PEX11B: variants seen among roughly 807,000 people sequenced by gnomAD.
The protein encoded by PEX11B is peroxisomal membrane protein 11B.
Under a neutral mutation model 28.2 loss-of-function variants are expected in PEX11B, and 18 were observed. The ratio of observed to expected loss-of-function variants is 0.64; its 90% CI spans 0.44 to 0.95. The LOEUF (loss-of-function observed/expected upper bound fraction) is 0.95, where lower values mean the gene tolerates loss of function less well. Among genes scored for constraint, PEX11B ranks in the 40% least tolerant of loss-of-function variants. The pLI, the probability that PEX11B is intolerant of heterozygous loss-of-function variation, is 0.00. For synonymous variants in PEX11B, 128 were observed against 128.7 expected, an observed-to-expected ratio of 0.99 and a Z score of 0.04; for missense variants, 305 against 319.8, an observed-to-expected ratio of 0.95 and a Z score of 0.35.
chr1:145,912,085 T>G lies in PEX11B; in HGVS notation c.*76A>C. ...CTTTAACCAAAGAGTAGAATTCGAA[T>G]GAGGCTGGCACATGGGGGACGATCT... On this transcript the variant is annotated 3_prime_UTR_variant, in exon 4 of 4. Transcript: ENST00000369306. 63 of 1,165,964 alleles carry G rather than the reference T, an allele frequency of 5.4e-5. No homozygotes were observed. The highest frequency in any genetic ancestry group is 7.0e-5 in the Non-Finnish European group (60 of 856,074). 72.2% of individuals were successfully genotyped at this position (1,165,964 alleles called of 1,614,324 possible).
chr1:145,917,397 C>T (rs1344674912), intron 2 of PEX11B, among the ~76,000 whole-genome samples: 1 of 152,162 alleles, frequency 6.6e-6, no homozygotes, highest in African/African-American at 2.4e-5. Context: ...CGCCACTGCA[C>T]TCTGACCTGG....
chr1:145,914,339 G>A (rs1218485950), intron 3 of PEX11B, among the ~76,000 whole-genome samples: 14 of 148,820 alleles, frequency 9.4e-5, no homozygotes, highest in Admixed American at 6.0e-4. Context: ...GCACCATTGC[G>A]CTCCAGCCTG....
At position 145,912,317 on chromosome 1, in the gene PEX11B, C is replaced by G; in HGVS notation, c.624G>C (p.Leu208=). Residue 208 remains leucine (L), a synonymous_variant, in exon 4 of 4, where the codon CTG becomes CTC. Coordinates refer to ENST00000369306, the MANE Select transcript of PEX11B (RefSeq NM_003846.3). ...ARVLRGHPPL[L]LDVVRNACDL... The stretch of plus-strand genomic sequence containing the variant: ...CACAGGCATTTCTGACCACGTCTAG[C>G]AGAAGTGGGGGATGACCTCTAAGGA... The G allele has an allele frequency of 6.2e-7, 1 of 1,614,036 alleles. No homozygotes were observed. Among genetic ancestry groups the G allele is most frequent in the Non-Finnish European group, 8.5e-7 (1 of 1,179,982 alleles).
At chr1:145,918,233 C>T (rs1165211209) in intron 1 of PEX11B, 1 of 985,310 alleles carries the variant, frequency 1.0e-6, no homozygotes, top group Non-Finnish European at 1.2e-6. Context: ...AACGCCAGGG[C>T]GGAGGCAGGG....
chr1:145,917,805 T>C lies in PEX11B; in HGVS notation c.68A>G (p.Tyr23Cys), dbSNP rs1220915820. The change falls in exon 2 of 4, where the codon TAT (tyrosine) becomes TGT (cysteine). Residue 23 changes from tyrosine (Y) to cysteine (C), a missense_variant. Transcript: ENST00000369306. ...ARERLCRAAQ[Y>C]ACSLLGHALQ... ...CGCATGGCCAAGAAGAGAGCAAGCA[T>C]ACTGGGCGGCCCTAGAGGAGAGGGC... 17 of 1,612,240 alleles carry C rather than the reference T, an allele frequency of 1.1e-5. No individual in the cohort carries two copies. The highest frequency in any genetic ancestry group is 6.7e-5 in the East Asian group (3 of 44,870).
intron 3 of PEX11B, among the ~76,000 whole-genome samples, chr1:145,916,053 A>C (rs1246630025): frequency 6.6e-6 from 1 of 152,232 alleles, no homozygotes; most frequent in Non-Finnish European, 1.5e-5. Context: ...AACAAACATT[A>C]ACATTGCCTA....
In PEX11B at chr1:145,917,742, T is replaced by C. The variant is rs1370893631; in HGVS notation, c.131A>G (p.Gln44Arg). The C allele has an allele frequency of 5.0e-6, 8 of 1,613,060 alleles. No individual in the cohort carries two copies. Among genetic ancestry groups the C allele is most frequent in the Non-Finnish European group, 6.8e-6 (8 of 1,179,000 alleles). ...CAGGTGGCTCTCCAGTTGTCGAATC[T>C]GTTTCTGTAACTCAGGACTGGCTCC... ...RHGASPELQK[Q>R]IRQLESHLSL... is the part of the protein sequence containing the mutation. The change falls in exon 2 of 4, where the codon CAG becomes CGG. Residue 44 changes from glutamine to arginine, a missense_variant. By Grantham distance (43) the Gln-to-Arg change is conservative. Transcript: ENST00000369306.
chr1:145,916,893 C>T lies in PEX11B; in HGVS notation c.298G>A (p.Asp100Asn). 2 of 1,614,148 alleles carry T rather than the reference C, an allele frequency of 1.2e-6. No individual in the cohort carries two copies. The highest frequency in any genetic ancestry group is 1.7e-6 in the Non-Finnish European group (2 of 1,180,000). ...HLNRALYFAC[D>N]NVLWAGKSGL... is the part of the protein sequence containing the mutation. ...GACTTTCCAGCCCACAGGACATTGT[C>T]ACAGGCGAAGTACAAGGCTCGATTG... The change falls in exon 3 of 4, where the codon GAC (aspartate) becomes AAC (asparagine). Residue 100 changes from aspartate (D) to asparagine (N), a missense_variant. Physicochemically the swap from Asp to Asn is conservative, Grantham distance 23. Transcript: ENST00000369306.
In PEX11B at chr1:145,916,981, T is replaced by C; in HGVS notation, c.210A>G (p.Ser70=). 1 of 1,613,860 alleles carries C rather than the reference T, an allele frequency of 6.2e-7. No homozygotes were observed. Among genetic ancestry groups the C allele is most frequent in the Admixed American group, 1.7e-5 (1 of 60,018 alleles). Residue 70 remains serine, a synonymous_variant, in exon 3 of 4, where the codon TCA becomes TCG. Coordinates refer to ENST00000369306, the MANE Select transcript of PEX11B (RefSeq NM_003846.3). ...RLGNSADALE[S]AKRAVHLSDV... ...CTGATAGGTGAACAGCTCTTTTGGCTGACTCAAGGGCATCTGCTGAGTTAC... is the reference window on the plus strand; with the variant it reads ...CTGATAGGTGAACAGCTCTTTTGGCCGACTCAAGGGCATCTGCTGAGTTAC...
chr1:145,912,478 G>A lies in PEX11B; in HGVS notation c.463C>T (p.Arg155Trp), dbSNP rs200193500. The A allele has an allele frequency of 1.5e-5, 22 of 1,514,200 alleles. No homozygotes were observed. The highest frequency in any genetic ancestry group is 1.1e-4 in the South Asian group (8 of 73,436). 93.8% of individuals were successfully genotyped at this position (1,514,200 alleles called of 1,614,324 possible). ...CCTCCTCCAGAACCTTTCAGTCGCCGGCTACAAGCAGAAGACTCTTGCTCC... is the reference window on the plus strand; with the variant it reads ...CCTCCTCCAGAACCTTTCAGTCGCCAGCTACAAGCAGAAGACTCTTGCTCC... ...LMEQESSACS[R>W]RLKGSGGGVP... Residue 155 changes from arginine (R) to tryptophan (W), a missense_variant, in exon 4 of 4, where the codon CGG (arginine) becomes TGG (tryptophan). Physicochemically the swap from Arg to Trp is moderately radical, Grantham distance 101 (BLOSUM62 -3). Coordinates refer to ENST00000369306, the MANE Select transcript of PEX11B (RefSeq NM_003846.3).
chr1:145,918,517 C>A (rs1361351700), intron 1 of PEX11B, 116 bp downstream of exon 1: 1 of 1,539,750 alleles, frequency 6.5e-7, no homozygotes, highest in Non-Finnish European at 8.7e-7. Flanking sequence ...TTCGGGCCCC[C>A]GTAGCCGGAG....
intron 3 of PEX11B, among the ~76,000 whole-genome samples, chr1:145,916,257 A>T (rs587721088): frequency 4.2e-4 from 64 of 151,896 alleles, no homozygotes; most frequent in African/African-American, 1.5e-3. Context: ...GCTTTGTCTA[A>T]CTCCTCCTAC....
rs587745971 is a variant in PEX11B at position 145,914,383 on chromosome 1, A to C, written c.375-1817T>G. 9.6e-3 allele frequency among the ~76,000 whole-genome samples: 1,456 copies of C among 151,888 alleles called. 27 individuals carry two copies. Among genetic ancestry groups the C allele is most frequent in the African/African-American group, 0.033 (1,377 of 41,398 alleles). ...AGCAAGACTCCATCTCAAAAAAAAA[A>C]AAAACCAAAAACAAATAAACAAACC... On this transcript the variant is annotated intron_variant, in intron 3 of 3. Coordinates refer to ENST00000369306, the MANE Select transcript of PEX11B (RefSeq NM_003846.3).
rs1553753155 is a variant in PEX11B, at chr1:145,912,108, T to G, written c.*53A>C. The G allele has an allele frequency of 7.2e-7, 1 of 1,388,738 alleles. No homozygotes were observed. The highest frequency in any genetic ancestry group is 9.7e-7 in the Non-Finnish European group (1 of 1,033,802). The allele number at this position is 1,388,738 out of a possible 1,614,324, so 86.0% of individuals were successfully genotyped here. A position where few individuals can be genotyped will look rare whatever the true frequency, so the allele number is the denominator to read the frequency against. On this transcript the variant is annotated 3_prime_UTR_variant, in exon 4 of 4. Coordinates refer to ENST00000369306, the MANE Select transcript of PEX11B (RefSeq NM_003846.3). Reference sequence around the variant, plus strand: ...AATGAGGCTGGCACATGGGGGACGATCTAAGATTCCATCTCACCAATTCAG... The same window carrying G: ...AATGAGGCTGGCACATGGGGGACGAGCTAAGATTCCATCTCACCAATTCAG...
At chr1:145,918,298 A>C in intron 1 of PEX11B, 1 of 1,469,168 alleles carries the variant, frequency 6.8e-7, no homozygotes, top group Non-Finnish European at 9.0e-7. Context: ...GTGCCTCCTC[A>C]GCTCTGGGGG....
At chr1:145,915,269 T>A (rs1422057847) in intron 3 of PEX11B, among the ~76,000 whole-genome samples, 1 of 152,164 alleles carries the variant, frequency 6.6e-6, no homozygotes, top group African/African-American at 2.4e-5. Context: ...TAGTAAGAGC[T>A]CAGTAAGTAT....
chr1:145,913,592 AACACACACACACAC>A (rs56031424), intron 3 of PEX11B, among the ~76,000 whole-genome samples: 1 of 142,710 alleles, frequency 7.0e-6, no homozygotes, highest in Non-Finnish European at 1.5e-5. Flanking sequence ...TCCACTTGGC[AACACACACACACAC>A]ACACACACAC....
intron 1 of PEX11B, 39 bp from the exon 2 acceptor site, chr1:145,917,855 C>T: frequency 1.3e-6 from 2 of 1,507,962 alleles, no homozygotes; most frequent in Non-Finnish European, 1.8e-6. Context: ...GGAGACCTCC[C>T]TAACCTTCCG....
rs144931265 is a variant in PEX11B at position 145,917,812 on chromosome 1, C to A, written c.61G>T (p.Ala21Ser). The change falls in exon 2 of 4, where the codon GCC (alanine) becomes TCC (serine). Residue 21 changes from alanine (A) to serine (S), a missense_variant. Transcript: ENST00000369306. The stretch of plus-strand genomic sequence containing the variant: ...CCAAGAAGAGAGCAAGCATACTGGG[C>A]GGCCCTAGAGGAGAGGGCAGGCAAG... ...SQARERLCRA[A>S]QYACSLLGHA... is the part of the protein sequence containing the mutation. 27 of 1,609,534 alleles carry A rather than the reference C, an allele frequency of 1.7e-5. No individual in the cohort carries two copies. In the East Asian group the frequency reaches 3.1e-4, roughly 19 times the overall value.
Sources: gnomAD v4.1 joint callset for allele counts (sites outside exome capture counted in the v4.1 genomes callset) on GRCh38, gnomAD v4.1.1 for gene constraint, MANE v1.5 for transcripts, NCBI Gene and HGNC (gene_info 2026-07-23, HGNC 2026-07-21) for gene names.